Variants in SLC25A47 observed in about 807,000 individuals in gnomAD.
SLC25A47 encodes solute carrier family 25 member 47.
Under a neutral mutation model 29.8 loss-of-function variants are expected in SLC25A47, and 30 were observed. The ratio of observed to expected loss-of-function variants is 1.01; its 90% CI spans 0.75 to 1.36. The LOEUF is 1.36. SLC25A47 is among the 40% of genes most tolerant of loss of function. The probability of loss-of-function intolerance (pLI) is 0.00; values close to 1 mark genes in which losing one functional copy is unlikely to be tolerated. For synonymous variants in SLC25A47, 204 were observed against 197.8 expected (o/e 1.03, Z -0.26); for missense variants, 430 against 441.9 (o/e 0.97, Z 0.24).
Position 100,326,192 on chromosome 14 carries a change from C to T in SLC25A47, c.108C>T (p.Ile36=), listed in dbSNP as rs2139845158. 1.2e-6 allele frequency: 2 copies of T among 1,613,906 alleles called. No individual in the cohort carries two copies. Among genetic ancestry groups the T allele is most frequent in the African/African-American group, 1.3e-5 (1 of 75,068 alleles). Residue 36 remains isoleucine (I), a synonymous_variant, in exon 3 of 6, where the codon ATC becomes ATT. Coordinates refer to ENST00000361529, the MANE Select transcript of SLC25A47 (RefSeq NM_207117.4). ...AGACGGAGCCAAAGTACACAGGCAT[C>T]TGGCACTGCGTCCGGGATACGTATC... ...RIQTEPKYTG[I]WHCVRDTYHR...
chr14:100,328,199 C>T (rs1463928772), intron 4 of SLC25A47, among the ~76,000 whole-genome samples: 6 of 150,682 alleles, frequency 4.0e-5, no homozygotes, highest in Non-Finnish European at 8.8e-5. Context: ...ACAACCTCTA[C>T]GTCCCAGGTT....
chr14:100,328,112 A>AT (rs33989395), intron 4 of SLC25A47, among the ~76,000 whole-genome samples: 85,774 of 140,898 alleles, frequency 0.61, 28,281 homozygotes, highest in South Asian at 0.85. Flanking sequence ...ATGTCTAGTG[A>AT]TTTTTTTTTT....
At chr14:100,325,204 G>A (rs1893314300) in intron 1 of SLC25A47, among the ~76,000 whole-genome samples, 1 of 152,206 alleles carries the variant, frequency 6.6e-6, no homozygotes, top group Non-Finnish European at 1.5e-5. Flanking sequence ...TCTCTGCAAG[G>A]TGTGGACTCC....
At position 100,329,913 on chromosome 14, in the gene SLC25A47, G is replaced by C. The variant is rs2139849798; in HGVS notation, c.*268G>C. On this transcript the variant is annotated 3_prime_UTR_variant, in exon 6 of 6. Coordinates refer to ENST00000361529, the MANE Select transcript of SLC25A47 (RefSeq NM_207117.4). The stretch of plus-strand genomic sequence containing the variant: ...AGTGGGCCTCTTTGATGAGAGCGTT[G>C]AGTTGCATGGAGTCGGTTGTTCATC... 1 of 522,830 alleles carries C rather than the reference G, an allele frequency of 1.9e-6. No homozygotes were observed. Among genetic ancestry groups the C allele is most frequent in the Non-Finnish European group, 3.4e-6 (1 of 291,658 alleles). The allele number at this position is 522,830 out of a possible 1,614,324, so 32.4% of individuals were successfully genotyped here. A position where few individuals can be genotyped will look rare whatever the true frequency, so the allele number is the denominator to read the frequency against.
intron 5 of SLC25A47, 65 bp downstream of exon 5, chr14:100,329,109 C>G: frequency 6.5e-7 from 1 of 1,529,064 alleles, no homozygotes; most frequent in Non-Finnish European, 8.8e-7. Context: ...AAGGTGAGGT[C>G]GTGCTGCCCG....
intron 4 of SLC25A47, 30 bp downstream of exon 4, chr14:100,327,400 C>T: frequency 1.3e-6 from 2 of 1,559,814 alleles, no homozygotes; most frequent in South Asian, 1.2e-5. Context: ...GTGGGGAAGG[C>T]CCAAGAGAGA....
At chr14:100,323,529 AG>A in intron 1 of SLC25A47, 87 bp downstream of exon 1, 1 of 1,535,314 alleles carries the variant, frequency 6.5e-7, no homozygotes, top group South Asian at 1.1e-5. Context: ...GCTGGGCAGC[AG>A]GGTGGGCTTT....
chr14:100,325,244 G>A (rs932758107), intron 1 of SLC25A47, among the ~76,000 whole-genome samples: 1 of 152,200 alleles, frequency 6.6e-6, no homozygotes, highest in East Asian at 1.9e-4. Context: ...CACGCTTGTG[G>A]TTCCAGGCAG....
chr14:100,323,460 G>A lies in SLC25A47; in HGVS notation c.28+18G>A, dbSNP rs761290015. On this transcript the variant is annotated intron_variant, in intron 1 of 5. Coordinates refer to ENST00000361529, the MANE Select transcript of SLC25A47 (RefSeq NM_207117.4). ...CATCGGAGGTAACAGACAGGATGGTGGGCTGTGCAGACACTGCTGCTCCTG... is the reference window on the plus strand; with the variant it reads ...CATCGGAGGTAACAGACAGGATGGTAGGCTGTGCAGACACTGCTGCTCCTG... 1.9e-6 allele frequency: 3 copies of A among 1,613,534 alleles called. No individual in the cohort carries two copies. Among genetic ancestry groups the A allele is most frequent in the Admixed American group, 3.3e-5 (2 of 60,004 alleles).
At position 100,326,223 on chromosome 14, in the gene SLC25A47, G is replaced by A; in HGVS notation, c.139G>A (p.Glu47Lys). Reference sequence around the variant, plus strand: ...CTGCGTCCGGGATACGTATCACCGAGAGCGCGTAGGTCTGGGGCCAGGGGC... The same window carrying A: ...CTGCGTCCGGGATACGTATCACCGAAAGCGCGTAGGTCTGGGGCCAGGGGC... Reference protein sequence around the residue: ...WHCVRDTYHRERVWGFYRGLS... With the variant: ...WHCVRDTYHRKRVWGFYRGLS... The change falls in exon 3 of 6, where the codon GAG (glutamate) becomes AAG (lysine). Residue 47 changes from glutamate to lysine, a missense_variant. Physicochemically the swap from Glu to Lys is moderately conservative, Grantham distance 56 (BLOSUM62 1). Coordinates refer to ENST00000361529, the MANE Select transcript of SLC25A47 (RefSeq NM_207117.4). The A allele has an allele frequency of 6.2e-7, 1 of 1,613,742 alleles. No individual in the cohort carries two copies. The highest frequency in any genetic ancestry group is 8.5e-7 in the Non-Finnish European group (1 of 1,179,924).
Position 100,329,651 on chromosome 14 carries a change from C to A in SLC25A47, c.*6C>A. ...CCCGGGGTCTGCTCACATAGCCGGTCCCCACGCCCAGCGGCCCACCCACCA... is the reference window on the plus strand; with the variant it reads ...CCCGGGGTCTGCTCACATAGCCGGTACCCACGCCCAGCGGCCCACCCACCA... On this transcript the variant is annotated 3_prime_UTR_variant, in exon 6 of 6. Coordinates refer to ENST00000361529, the MANE Select transcript of SLC25A47 (RefSeq NM_207117.4). The A allele has an allele frequency of 6.2e-7, 1 of 1,600,186 alleles. No homozygotes were observed. The highest frequency in any genetic ancestry group is 1.1e-5 in the South Asian group (1 of 90,110).
rs557523374 is a variant in SLC25A47, at chr14:100,328,907, C to G, written c.509C>G (p.Ala170Gly). The part of the protein sequence containing the change: ...RGPLHCLATV[A>G]REEGLCGLYK... Reference sequence around the variant, plus strand: ...CCACTGCACTGCCTGGCCACGGTAGCCCGTGAGGAGGGGCTGTGCGGCCTC... The same window carrying G: ...CCACTGCACTGCCTGGCCACGGTAGGCCGTGAGGAGGGGCTGTGCGGCCTC... The change falls in exon 5 of 6, where the codon GCC (alanine) becomes GGC (glycine). Residue 170 changes from alanine (A) to glycine (G), a missense_variant. Transcript: ENST00000361529. 1.9e-6 allele frequency: 3 copies of G among 1,610,340 alleles called. No homozygotes were observed. In the Admixed American group the frequency reaches 5.0e-5, roughly 27 times the overall value.
intron 3 of SLC25A47, 34 bp from the exon 4 acceptor site, chr14:100,327,153 CG>C: frequency 1.9e-6 from 3 of 1,552,512 alleles, no homozygotes; most frequent in Non-Finnish European, 1.7e-6. Context: ...CTCCTCCTGG[CG>C]GGGCCCTAGC....
intron 1 of SLC25A47, among the ~76,000 whole-genome samples, chr14:100,324,576 G>T (rs914711878): frequency 1.3e-5 from 2 of 152,170 alleles, no homozygotes; most frequent in South Asian, 2.1e-4. Context: ...GGGGCCAGCC[G>T]CTCCCTTCCT....
chr14:100,327,254 T>C lies in SLC25A47; in HGVS notation c.211T>C (p.Phe71Leu). ...CTVSLVSSVS[F>L]GTYRHCLAHI... ...GGTGTCCCTGGTATCTTCCGTGTCT[T>C]TTGGCACCTACCGCCACTGCCTGGC... Residue 71 changes from phenylalanine (F) to leucine (L), a missense_variant, in exon 4 of 6, where the codon TTT (phenylalanine) becomes CTT (leucine). By Grantham distance (22) the Phe-to-Leu change is conservative (BLOSUM62 0). Coordinates refer to ENST00000361529, the MANE Select transcript of SLC25A47 (RefSeq NM_207117.4). 6.2e-7 allele frequency: 1 copy of C among 1,608,988 alleles called. No individual in the cohort carries two copies. Among genetic ancestry groups the C allele is most frequent in the South Asian group, 1.1e-5 (1 of 91,076 alleles).
In SLC25A47 at chr14:100,330,158, C is replaced by T; in HGVS notation, c.*513C>T. 6.2e-6 allele frequency: 1 copy of T among 160,410 alleles called. No individual in the cohort carries two copies. The highest frequency in any genetic ancestry group is 1.8e-4 in the South Asian group (1 of 5,700). The allele number at this position is 160,410 out of a possible 1,614,324, so 9.9% of individuals were successfully genotyped here. A position where few individuals can be genotyped will look rare whatever the true frequency, so the allele number is the denominator to read the frequency against. On this transcript the variant is annotated 3_prime_UTR_variant, in exon 6 of 6. Coordinates refer to ENST00000361529, the MANE Select transcript of SLC25A47 (RefSeq NM_207117.4). ...TGGCACCACGACTGAGGGCTCCCGG[C>T]TCGGCTTCTTCCCCACAGCAGGCTG...
chr14:100,325,619 G>C (rs938561707), intron 1 of SLC25A47, among the ~76,000 whole-genome samples, 169 bp from the exon 2 acceptor site: 7 of 152,208 alleles, frequency 4.6e-5, no homozygotes, highest in African/African-American at 1.7e-4. Context: ...TCTCTAAAAC[G>C]GGGGTGCCCT....
chr14:100,329,429 C>A lies in SLC25A47; in HGVS notation c.711C>A (p.Pro237=), dbSNP rs770917714. The A allele has an allele frequency of 1.2e-6, 2 of 1,613,288 alleles. No homozygotes were observed. Among genetic ancestry groups the A allele is most frequent in the Non-Finnish European group, 1.7e-6 (2 of 1,179,980 alleles). Reference sequence around the variant, plus strand: ...TCCTGGCCTGGGCTGTGGCCACCCCCATGGACGTGATCAAGTCGAGACTGC... The same window carrying A: ...TCCTGGCCTGGGCTGTGGCCACCCCAATGGACGTGATCAAGTCGAGACTGC... The part of the protein sequence containing the change: ...AGVLAWAVAT[P]MDVIKSRLQA... The change falls in exon 6 of 6, where the codon CCC becomes CCA. Residue 237 remains proline, a synonymous_variant. Transcript: ENST00000361529.
intron 4 of SLC25A47, 36 bp downstream of exon 4, chr14:100,327,406 A>G: frequency 1.9e-6 from 3 of 1,556,610 alleles, no homozygotes; most frequent in Non-Finnish European, 2.6e-6. Context: ...AAGGCCCAAG[A>G]GAGACTGCGG....
Sources: gnomAD v4.1 joint callset for allele counts (sites outside exome capture counted in the v4.1 genomes callset) on GRCh38, gnomAD v4.1.1 for gene constraint, MANE v1.5 for transcripts, NCBI Gene and HGNC (gene_info 2026-07-23, HGNC 2026-07-21) for gene names.